Variants in CACNA2D3 observed in about 807,000 individuals in gnomAD.
CACNA2D3 encodes voltage-dependent calcium channel subunit alpha-2/delta-3.
A neutral mutation model predicts 160.6 loss-of-function variants in CACNA2D3; 60 were observed. That is an observed-to-expected ratio of 0.37 (90% CI 0.30 to 0.46). The LOEUF (loss-of-function observed/expected upper bound fraction) is 0.46, where lower values mean the gene tolerates loss of function less well. CACNA2D3 is among the 20% of genes least tolerant of loss of function. CACNA2D3 has a pLI of 1.00. For synonymous variants in CACNA2D3, 558 were observed against 492.9 expected (o/e 1.13, Z -1.75); for missense variants, 1,205 against 1,365.0 (o/e 0.88, Z 1.85).
chr3:54,455,741 A>AT (rs922358319), intron 4 of CACNA2D3, among the ~76,000 whole-genome samples: 2 of 151,954 alleles, frequency 1.3e-5, no homozygotes, highest in Admixed American at 6.6e-5. Context: ...TTTTGAGTTG[A>AT]TTTTTTTCTA....
chr3:54,882,017 C>T (rs1031237358), intron 21 of CACNA2D3, among the ~76,000 whole-genome samples: 1 of 152,198 alleles, frequency 6.6e-6, no homozygotes, highest in Non-Finnish European at 1.5e-5. Flanking sequence ...GAGAGGCTCA[C>T]TGTGAGCTGG....
intron 3 of CACNA2D3, among the ~76,000 whole-genome samples, chr3:54,354,948 G>A (rs937272799): frequency 3.9e-5 from 6 of 152,296 alleles, no homozygotes; most frequent in Admixed American, 6.5e-5. Flanking sequence ...TGGCTTATGC[G>A]TTTTTATTCC....
At chr3:54,174,236 T>A (rs554958739) in intron 2 of CACNA2D3, among the ~76,000 whole-genome samples, 1 of 152,276 alleles carries the variant, frequency 6.6e-6, no homozygotes, top group East Asian at 1.9e-4. Context: ...TGCTGTAGGA[T>A]GTGCTAAGTG....
intron 4 of CACNA2D3, among the ~76,000 whole-genome samples, chr3:54,393,589 C>A (rs2106679872): frequency 6.6e-6 from 1 of 152,330 alleles, no homozygotes; most frequent in South Asian, 2.1e-4. Context: ...TCGTGCTTCG[C>A]CCCTCAGAGC....
chr3:54,439,222 G>C (rs1022045459), intron 4 of CACNA2D3, among the ~76,000 whole-genome samples: 1 of 152,118 alleles, frequency 6.6e-6, no homozygotes, highest in African/African-American at 2.4e-5. Context: ...CTAATCTCAT[G>C]TCTTATTTTG....
intron 9 of CACNA2D3, among the ~76,000 whole-genome samples, chr3:54,591,893 C>T (rs1254219536): frequency 2.6e-5 from 4 of 151,994 alleles, no homozygotes; most frequent in African/African-American, 4.8e-5. Context: ...TGTGCCAGAT[C>T]CTTTGGGGTG....
chr3:54,413,404 AT>A (rs1559474742), intron 4 of CACNA2D3, among the ~76,000 whole-genome samples: 2 of 147,172 alleles, frequency 1.4e-5, no homozygotes, highest in East Asian at 3.9e-4. Context: ...ATATCTATAT[AT>A]ATCTATATAT....
chr3:54,241,152 G>T (rs562006926), intron 2 of CACNA2D3, among the ~76,000 whole-genome samples: 1 of 152,348 alleles, frequency 6.6e-6, no homozygotes, highest in East Asian at 1.9e-4. Flanking sequence ...CTTGGGGTCA[G>T]TCTATATCTT....
chr3:54,786,169 A>T (rs1006643272), intron 13 of CACNA2D3, among the ~76,000 whole-genome samples: 4 of 152,186 alleles, frequency 2.6e-5, no homozygotes, highest in African/African-American at 7.2e-5. Flanking sequence ...AGCACAGCTT[A>T]TTATTATTAC....
intron 5 of CACNA2D3, among the ~76,000 whole-genome samples, chr3:54,534,649 A>C (rs1575508341): frequency 2.0e-5 from 3 of 152,090 alleles, no homozygotes; most frequent in African/African-American, 7.2e-5. Flanking sequence ...CTGGCTGGGC[A>C]TGGTGGCTCA....
intron 11 of CACNA2D3, among the ~76,000 whole-genome samples, chr3:54,748,247 T>C (rs1024923064): frequency 2.0e-5 from 3 of 152,336 alleles, no homozygotes; most frequent in Non-Finnish European, 4.4e-5. Context: ...TTTTAATGGC[T>C]GCAGAAAGGA....
At chr3:54,849,810 T>G (rs1457773440) in intron 17 of CACNA2D3, among the ~76,000 whole-genome samples, 1 of 152,066 alleles carries the variant, frequency 6.6e-6, no homozygotes, top group Admixed American at 6.6e-5. Flanking sequence ...TAACTCCTAT[T>G]CCCTCTCCAT....
At chr3:54,978,946 G>A (rs1702447829) in intron 29 of CACNA2D3, among the ~76,000 whole-genome samples, 1 of 152,204 alleles carries the variant, frequency 6.6e-6, no homozygotes, top group African/African-American at 2.4e-5. Flanking sequence ...ATCATAGTAA[G>A]ACTAATTTGC....
intron 9 of CACNA2D3, among the ~76,000 whole-genome samples, chr3:54,624,365 G>A (rs1699049897): frequency 6.6e-6 from 1 of 152,226 alleles, no homozygotes; most frequent in South Asian, 2.1e-4. Context: ...GCTCATGCCT[G>A]TAATCCCAGC....
chr3:54,928,189 G>A, intron 27 of CACNA2D3: 1 of 485,524 alleles, frequency 2.1e-6, no homozygotes, highest in Middle Eastern at 5.4e-4. Flanking sequence ...GCCTCCCCAG[G>A]ATCATCCCTG....
chr3:54,768,453 T>C (rs993522266), intron 13 of CACNA2D3, among the ~76,000 whole-genome samples: 4 of 152,212 alleles, frequency 2.6e-5, no homozygotes, highest in African/African-American at 9.6e-5. Flanking sequence ...AAATCGGTTG[T>C]TGTATTAGAT....
intron 5 of CACNA2D3, among the ~76,000 whole-genome samples, chr3:54,558,779 A>C (rs566982583): frequency 1.3e-5 from 2 of 152,288 alleles, no homozygotes; most frequent in East Asian, 3.9e-4. Flanking sequence ...GTATTATTCC[A>C]TGGTGTGTGT....
intron 12 of CACNA2D3, among the ~76,000 whole-genome samples, chr3:54,753,176 A>G (rs1054516635): frequency 2.0e-5 from 3 of 152,212 alleles, no homozygotes; most frequent in Non-Finnish European, 4.4e-5. Context: ...TTTTGAGGAC[A>G]TAGTCAAGTG....
intron 3 of CACNA2D3, among the ~76,000 whole-genome samples, chr3:54,372,632 A>G (rs2359793): frequency 0.25 from 37,927 of 152,078 alleles, 4,818 homozygotes; most frequent in African/African-American, 0.29. Context: ...TCACTTGCAT[A>G]TGTTCATACA....
Sources: gnomAD v4.1 joint callset for allele counts (sites outside exome capture counted in the v4.1 genomes callset) on GRCh38, gnomAD v4.1.1 for gene constraint, MANE v1.5 for transcripts, NCBI Gene and HGNC (gene_info 2026-07-23, HGNC 2026-07-21) for gene names.